PAGE3: variants seen among roughly 807,000 people sequenced by gnomAD.
PAGE3 encodes P antigen family member 3.
A neutral mutation model predicts 3.8 loss-of-function variants in PAGE3; 9 were observed. The ratio of observed to expected loss-of-function variants is 2.36; its 90% CI spans 1.42 to 4.12. PAGE3 has a LOEUF of 4.12. Ranked by LOEUF, PAGE3 falls within the 30% of genes most tolerant of loss-of-function variation. PAGE3 has a pLI of 0.00. For synonymous variants in PAGE3, 24 were observed against 13.1 expected (o/e 1.83, Z -1.79); for missense variants, 73 against 37.8 (o/e 1.93, Z -2.44).
At chrX:55,259,655 C>G (rs768567545) in intron 4 of PAGE3, among the ~76,000 whole-genome samples, 15 of 110,778 alleles carry the variant, frequency 1.4e-4, no homozygotes, top group Non-Finnish European at 1.3e-4. Context: ...TGTTGAAAAT[C>G]TCTTTTATTT....
At chrX:55,262,885 A>C (rs1003576119) in intron 3 of PAGE3, among the ~76,000 whole-genome samples, 1 of 107,963 alleles carries the variant, frequency 9.3e-6, no homozygotes, top group African/African-American at 3.4e-5. Flanking sequence ...TTAGCACTCT[A>C]CGCATGCTAT....
rs753305826 is a variant in PAGE3, at chrX:55,263,813, TACTC to T, written c.84+3_84+6del. On this transcript the variant is annotated splice_donor_5th_base_variant and intron_variant, in intron 2 of 4. Transcript: ENST00000374951. ...TAATAGAAAATATCAAATGTTAAAA[TACTC>T]ACAACCACAGCCCCTACTGGATGAT... The T allele has an allele frequency of 3.6e-6, 2 of 557,129 alleles. No homozygotes were observed. Among genetic ancestry groups the T allele is most frequent in the Middle Eastern group, 3.1e-4 (1 of 3,206 alleles). 45.9% of individuals were successfully genotyped at this position (557,129 alleles called of 1,213,427 possible). A position where few individuals can be genotyped will look rare whatever the true frequency, so the allele number is the denominator to read the frequency against.
intron 3 of PAGE3, among the ~76,000 whole-genome samples, chrX:55,261,505 A>G (rs1351747581): frequency 1.8e-5 from 2 of 112,035 alleles, no homozygotes; most frequent in African/African-American, 3.2e-5. Context: ...ATATTTTTAC[A>G]AAACATAAAT....
chrX:55,260,040 G>A (rs989568577), intron 4 of PAGE3, among the ~76,000 whole-genome samples: 3 of 111,198 alleles, frequency 2.7e-5, no homozygotes, highest in Non-Finnish European at 5.7e-5. Context: ...TGTGTAAAAC[G>A]TACTTAAGTT....
chrX:55,259,292 G>A (rs1298712855), intron 4 of PAGE3, among the ~76,000 whole-genome samples: 1 of 110,480 alleles, frequency 9.1e-6, no homozygotes, highest in African/African-American at 3.3e-5. Context: ...AGAAGAGACT[G>A]AGGAATCTAG....
chrX:55,259,762 A>AT (rs1004885768), intron 4 of PAGE3, among the ~76,000 whole-genome samples: 4 of 109,957 alleles, frequency 3.6e-5, no homozygotes, highest in African/African-American at 1.3e-4. Flanking sequence ...CCTTTTTCTT[A>AT]TTTTTTATAT....
rs1253678130 is a variant in PAGE3 at position 55,263,738 on chromosome X, T to C, written c.84+82A>G. On this transcript the variant is annotated intron_variant, in intron 2 of 4. Coordinates refer to ENST00000374951, the MANE Select transcript of PAGE3 (RefSeq NM_001017931.3). Reference sequence around the variant, plus strand: ...TACCATTTACAAGCATGGAAAACCTTATTAATATATCAATATTAGTTCAAC... The same window carrying C: ...TACCATTTACAAGCATGGAAAACCTCATTAATATATCAATATTAGTTCAAC... 3 of 478,122 alleles carry C rather than the reference T, an allele frequency of 6.3e-6. No homozygotes were observed. In the Admixed American group the frequency reaches 9.2e-5, roughly 15 times the overall value. 39.4% of individuals were successfully genotyped at this position (478,122 alleles called of 1,213,427 possible).
intron 1 of PAGE3, among the ~76,000 whole-genome samples, chrX:55,264,178 A>G (rs1417838489): frequency 2.7e-5 from 3 of 111,197 alleles, no homozygotes; most frequent in African/African-American, 6.5e-5. Context: ...ACTCTCCATC[A>G]TGAAGATATC....
In PAGE3 at chrX:55,264,693, C is replaced by A. The variant is rs1938358441; in HGVS notation, c.-156G>T. ...AGGAGCCGGACGTCGACGGCGAGGC[C>A]CTTTTCTCTCAGAAGCCACGGACTG... is the stretch of plus-strand genomic sequence containing the variant. On this transcript the variant is annotated 5_prime_UTR_variant, in exon 1 of 5. Coordinates refer to ENST00000374951, the MANE Select transcript of PAGE3 (RefSeq NM_001017931.3). 1 of 111,884 alleles carries A rather than the reference C, an allele frequency of 8.9e-6. No individual in the cohort carries two copies. Among genetic ancestry groups the A allele is most frequent in the Non-Finnish European group, 1.9e-5 (1 of 53,148 alleles). 9.2% of individuals were successfully genotyped at this position (111,884 alleles called of 1,213,427 possible). A position where few individuals can be genotyped will look rare whatever the true frequency, so the allele number is the denominator to read the frequency against.
rs747174794 is a variant in PAGE3 at position 55,258,476 on chromosome X, A to G, written c.*30T>C. The G allele has an allele frequency of 7.2e-6, 4 of 557,554 alleles. No individual in the cohort carries two copies. The highest frequency in any genetic ancestry group is 7.1e-5 in the South Asian group (3 of 41,990). The allele number at this position is 557,554 out of a possible 1,213,427, so 45.9% of individuals were successfully genotyped here. On this transcript the variant is annotated 3_prime_UTR_variant, in exon 5 of 5. Coordinates refer to ENST00000374951, the MANE Select transcript of PAGE3 (RefSeq NM_001017931.3). The stretch of plus-strand genomic sequence containing the variant: ...TACTGGTGAAGTTTCCAACATAAAG[A>G]CTGCATGTATGGTTTCAGCTTGTCT...
rs1344082249 is a variant in PAGE3, at chrX:55,263,905, T to C, written c.-2A>G. The C allele has an allele frequency of 1.8e-6, 1 of 563,041 alleles. No individual in the cohort carries two copies. The highest frequency in any genetic ancestry group is 3.2e-6 in the Non-Finnish European group (1 of 307,806). 46.4% of individuals were successfully genotyped at this position (563,041 alleles called of 1,213,427 possible). On this transcript the variant is annotated 5_prime_UTR_variant, in exon 2 of 5. Coordinates refer to ENST00000374951, the MANE Select transcript of PAGE3 (RefSeq NM_001017931.3). ...TCTTGTTCTTTGATGTCCACTCATG[T>C]TTCACTCTGAAAGTGGCATACTGTG...
intron 3 of PAGE3, among the ~76,000 whole-genome samples, chrX:55,261,024 C>G (rs753606659): frequency 9.0e-6 from 1 of 111,094 alleles, no homozygotes; most frequent in East Asian, 2.8e-4. Flanking sequence ...ATCCCTAAAG[C>G]CTACATATTG....
intron 3 of PAGE3, among the ~76,000 whole-genome samples, chrX:55,261,337 C>T (rs1938285808): frequency 1.8e-5 from 2 of 110,554 alleles, no homozygotes; most frequent in South Asian, 7.6e-4. Flanking sequence ...GTTGAATTCC[C>T]CAAATTTAAT....
chrX:55,263,449 T>C, intron 2 of PAGE3, 90 bp from the exon 3 acceptor site: 1 of 446,314 alleles, frequency 2.2e-6, no homozygotes, highest in East Asian at 3.9e-5. Context: ...CAAATATATC[T>C]TACCATAAAT....
In PAGE3 at chrX:55,260,639, G is replaced by A; in HGVS notation, c.214C>T (p.Leu72Phe). 1.8e-6 allele frequency: 1 copy of A among 559,305 alleles called. No homozygotes were observed. Among genetic ancestry groups the A allele is most frequent in the Non-Finnish European group, 3.3e-6 (1 of 304,236 alleles). 46.1% of individuals were successfully genotyped at this position (559,305 alleles called of 1,213,427 possible). A position where few individuals can be genotyped will look rare whatever the true frequency, so the allele number is the denominator to read the frequency against. The change falls in exon 4 of 5, where the codon CTC (leucine) becomes TTC (phenylalanine). Residue 72 changes from leucine to phenylalanine, a missense_variant. Transcript: ENST00000374951. The stretch of plus-strand genomic sequence containing the variant: ...GTCTTTGACCGAGTCAGTTCCCAGA[G>A]ATAGGCTGCCAGGCCTAGCACTTAA... Reference protein sequence around the residue: ...DFQVLGLAAYLWELTRSKTGG... With the variant: ...DFQVLGLAAYFWELTRSKTGG...
At chrX:55,263,995 A>C in intron 1 of PAGE3, 84 bp from the exon 2 acceptor site, 1 of 458,253 alleles carries the variant, frequency 2.2e-6, no homozygotes, top group African/African-American at 2.4e-5. Flanking sequence ...GAAAGCATGC[A>C]AGCTCACGAT....
At chrX:55,262,503 C>G (rs1389276361) in intron 3 of PAGE3, among the ~76,000 whole-genome samples, 1 of 110,099 alleles carries the variant, frequency 9.1e-6, no homozygotes, top group Non-Finnish European at 1.9e-5. Flanking sequence ...TAGTATTAAA[C>G]AGTTTAAGCA....
chrX:55,260,995 C>T (rs1938279107), intron 3 of PAGE3, among the ~76,000 whole-genome samples: 2 of 111,462 alleles, frequency 1.8e-5, no homozygotes, highest in African/African-American at 6.5e-5. Flanking sequence ...CTGAAATCAT[C>T]TCTTTCATTA....
rs182518666 is a variant in PAGE3, at chrX:55,261,186, A to G, written c.194-527T>C. Among the ~76,000 whole-genome samples, 7 of 112,082 alleles carry G rather than the reference A, an allele frequency of 6.2e-5. No individual in the cohort carries two copies. The East Asian group carries it at 1.7e-3, about 27-fold the overall frequency. On this transcript the variant is annotated intron_variant, in intron 3 of 4. Transcript: ENST00000374951. ...CGAAGAAAGAGTGAAGAACTGGTCC[A>G]GATTAAAAAAGATTAAATAGGATTG...
Sources: gnomAD v4.1 joint callset for allele counts (sites outside exome capture counted in the v4.1 genomes callset) on GRCh38, gnomAD v4.1.1 for gene constraint, MANE v1.5 for transcripts, NCBI Gene and HGNC (gene_info 2026-07-23, HGNC 2026-07-21) for gene names.